Variants in CCND1 observed in about 807,000 individuals in gnomAD.
CCND1 encodes the protein G1/S-specific cyclin-D1.
A neutral mutation model predicts 26.1 loss-of-function variants in CCND1; 9 were observed. The ratio of observed to expected loss-of-function variants is 0.35; its 90% CI spans 0.21 to 0.60. The LOEUF (loss-of-function observed/expected upper bound fraction) is 0.60. CCND1 is among the 20% of genes least tolerant of loss of function. The pLI is 0.79. For missense variants in CCND1, 335 were observed against 392.9 expected (o/e 0.85, Z 1.25); for synonymous variants, 194 against 166.1 (o/e 1.17, Z -1.29).
chr11:69,653,690 T>G lies in CCND1; in HGVS notation c.*2408T>G. 9.0e-6 allele frequency: 3 copies of G among 331,662 alleles called. No individual in the cohort carries two copies. The highest frequency in any genetic ancestry group is 1.7e-5 in the Non-Finnish European group (3 of 181,024). 20.5% of individuals were successfully genotyped at this position (331,662 alleles called of 1,614,324 possible). A position where few individuals can be genotyped will look rare whatever the true frequency, so the allele number is the denominator to read the frequency against. The stretch of plus-strand genomic sequence containing the variant: ...TCCCTGCGCCTGTGATGCTGGGCAC[T>G]TCATCTGATCGGGGGCGTAGCATCA... On this transcript the variant is annotated 3_prime_UTR_variant, in exon 5 of 5. Coordinates refer to ENST00000227507, the MANE Select transcript of CCND1 (RefSeq NM_053056.3).
intron 4 of CCND1, 87 bp downstream of exon 4, chr11:69,648,229 A>G (rs922236447): frequency 1.1e-5 from 17 of 1,506,018 alleles, no homozygotes; most frequent in Admixed American, 1.7e-5. Flanking sequence ...GCTGGTGCCA[A>G]GGCCCCCAAG....
rs1028223563 is a variant in CCND1 at position 69,653,095 on chromosome 11, T to G, written c.*1813T>G. 21 of 535,482 alleles carry G rather than the reference T, an allele frequency of 3.9e-5. No individual in the cohort carries two copies. Among genetic ancestry groups the G allele is most frequent in the African/African-American group, 3.9e-4 (20 of 51,368 alleles). The allele number at this position is 535,482 out of a possible 1,614,324, so 33.2% of individuals were successfully genotyped here. A position where few individuals can be genotyped will look rare whatever the true frequency, so the allele number is the denominator to read the frequency against. ...TTGGCTATGTAATTCTTGTAATTTT[T>G]ATTTAGGAAGTGTTGAAGGGAGGTG... On this transcript the variant is annotated 3_prime_UTR_variant, in exon 5 of 5. Transcript: ENST00000227507.
rs1044247585 is a variant in CCND1 at position 69,643,135 on chromosome 11, G to T, written c.303G>T (p.Leu101=). Residue 101 remains leucine, a synonymous_variant, in exon 2 of 5, where the codon CTG becomes CTT. Coordinates refer to ENST00000227507, the MANE Select transcript of CCND1 (RefSeq NM_053056.3). ...LEPVKKSRLQ[L]LGATCMFVAS... ...CCGTGAAAAAGAGCCGCCTGCAGCT[G>T]CTGGGGGCCACTTGCATGTTCGTGG... 1.2e-6 allele frequency: 2 copies of T among 1,610,386 alleles called. No homozygotes were observed. Among genetic ancestry groups the T allele is most frequent in the Non-Finnish European group, 1.7e-6 (2 of 1,178,672 alleles).
chr11:69,648,201 T>G (rs1245879083), intron 4 of CCND1, 59 bp downstream of exon 4: 3 of 1,597,542 alleles, frequency 1.9e-6, no homozygotes, highest in Non-Finnish European at 2.6e-6. Context: ...AGACACCTAG[T>G]GCCACGGAAA....
chr11:69,643,811 C>T (rs367960158), intron 2 of CCND1, 21 bp from the exon 3 acceptor site: 1 of 1,591,154 alleles, frequency 6.3e-7, no homozygotes. Context: ...CCCCTGATGG[C>T]CGCTCACCCT....
In CCND1 at chr11:69,648,033, C is replaced by T. The variant is rs1271260640; in HGVS notation, c.614C>T (p.Ala205Val). The T allele has an allele frequency of 1.9e-6, 3 of 1,613,956 alleles. No individual in the cohort carries two copies. Among genetic ancestry groups the T allele is most frequent in the South Asian group, 1.1e-5 (1 of 91,082 alleles). Residue 205 changes from alanine (A) to valine (V), a missense_variant, in exon 4 of 5, where the codon GCG becomes GTG. Physicochemically the swap from Ala to Val is moderately conservative, Grantham distance 64 (BLOSUM62 0). Coordinates refer to ENST00000227507, the MANE Select transcript of CCND1 (RefSeq NM_053056.3). ...FISNPPSMVA[A>V]GSVVAAVQGL... ...TCCAATCCGCCCTCCATGGTGGCAG[C>T]GGGGAGCGTGGTGGCCGCAGTGCAA... is the stretch of plus-strand genomic sequence containing the variant.
In CCND1 at chr11:69,651,656, G is replaced by T; in HGVS notation, c.*374G>T. ...AAGAATAGGCATTAACACAAAGGAG[G>T]CGTCTCGGGAGAGGATTAGGTTCCA... On this transcript the variant is annotated 3_prime_UTR_variant, in exon 5 of 5. Transcript: ENST00000227507. The T allele has an allele frequency of 4.0e-6, 1 of 248,596 alleles. No individual in the cohort carries two copies. The highest frequency in any genetic ancestry group is 7.7e-6 in the Non-Finnish European group (1 of 129,090). The allele number at this position is 248,596 out of a possible 1,614,324, so 15.4% of individuals were successfully genotyped here.
rs375774600 is a variant in CCND1 at position 69,648,206 on chromosome 11, C to T, written c.723+64C>T. ...TTACAGGGGGAGACACCTAGTGCCA[C>T]GGAAATGCCGAGGCTGGTGCCAAGG... On this transcript the variant is annotated intron_variant, in intron 4 of 4. Transcript: ENST00000227507. The T allele has an allele frequency of 4.5e-5, 71 of 1,587,440 alleles. No homozygotes were observed. The South Asian group carries it at 5.8e-4, about 13-fold the overall frequency.
intron 2 of CCND1, 194 bp downstream of exon 2, chr11:69,643,440 G>A (rs1382664772): frequency 2.0e-6 from 1 of 495,648 alleles, no homozygotes; most frequent in African/African-American, 2.0e-5. Context: ...GCCGCCCTGT[G>A]TGCGCTTGCC....
intron 3 of CCND1, among the ~76,000 whole-genome samples, chr11:69,645,468 C>T (rs1216369258): frequency 1.3e-5 from 2 of 152,126 alleles, no homozygotes; most frequent in Non-Finnish European, 2.9e-5. Context: ...AAGGCGCCCC[C>T]AGCGGTGGGT....
At chr11:69,641,635 C>T in intron 1 of CCND1, 124 bp downstream of exon 1, 1 of 928,720 alleles carries the variant, frequency 1.1e-6, no homozygotes, top group Non-Finnish European at 1.7e-6. Flanking sequence ...CGTGGTGTTT[C>T]TAGGGATCCG....
At chr11:69,643,283 A>G (rs2120090750) in intron 2 of CCND1, 37 bp downstream of exon 2, 1 of 1,491,910 alleles carries the variant, frequency 6.7e-7, no homozygotes, top group Non-Finnish European at 9.1e-7. Flanking sequence ...GCCCCCCGCG[A>G]GCCGCACGCA....
Position 69,653,667 on chromosome 11 carries a change from C to T in CCND1, c.*2385C>T. On this transcript the variant is annotated 3_prime_UTR_variant, in exon 5 of 5. Coordinates refer to ENST00000227507, the MANE Select transcript of CCND1 (RefSeq NM_053056.3). ...ACCAGGCTGTGTCCCTCTTCTCTTCCCTGCGCCTGTGATGCTGGGCACTTC... is the reference window on the plus strand; with the variant it reads ...ACCAGGCTGTGTCCCTCTTCTCTTCTCTGCGCCTGTGATGCTGGGCACTTC... 1 of 358,070 alleles carries T rather than the reference C, an allele frequency of 2.8e-6. No individual in the cohort carries two copies. Among genetic ancestry groups the T allele is most frequent in the South Asian group, 5.4e-5 (1 of 18,494 alleles). The allele number at this position is 358,070 out of a possible 1,614,324, so 22.2% of individuals were successfully genotyped here. A position where few individuals can be genotyped will look rare whatever the true frequency, so the allele number is the denominator to read the frequency against.
In CCND1 at chr11:69,643,943, C is replaced by T. The variant is rs777185874; in HGVS notation, c.526C>T (p.Gln176Ter). The T allele has an allele frequency of 6.2e-7, 1 of 1,613,530 alleles. No individual in the cohort carries two copies. The highest frequency in any genetic ancestry group is 8.5e-7 in the Non-Finnish European group (1 of 1,180,020). ...AATGCCAGAGGCGGAGGAGAACAAA[C>T]AGATCATCCGCAAACACGCGCAGAC... ...SKMPEAEENK[Q>*]IIRKHAQTFV... The change falls in exon 3 of 5, where the codon CAG (glutamine) becomes TAG (stop). Residue 176 changes from glutamine (Q) to a stop codon, truncating the protein, a stop_gained. Coordinates refer to ENST00000227507, the MANE Select transcript of CCND1 (RefSeq NM_053056.3). LOFTEE classifies it high-confidence loss of function.
At position 69,654,116 on chromosome 11, in the gene CCND1, G is replaced by GGCCC; in HGVS notation, c.*2834_*2835insGCCC. The GGCCC allele has an allele frequency of 6.1e-6, 4 of 651,642 alleles. No homozygotes were observed. The highest frequency in any genetic ancestry group is 2.8e-5 in the East Asian group (1 of 35,866). 40.4% of individuals were successfully genotyped at this position (651,642 alleles called of 1,614,324 possible). On this transcript the variant is annotated 3_prime_UTR_variant, in exon 5 of 5. Transcript: ENST00000227507. This position sits in a 1 kb window ranked among gnomAD's most constrained non-coding sequence, Gnocchi z 6.3. ...TGCTCGGAGGCCATCTCGGGCACAG[G>GGCCC]CCCACCCCGCCCCACCCCTCCAGAA...
In CCND1 at chr11:69,648,139, C is replaced by T. The variant is rs1855808908; in HGVS notation, c.720C>T (p.Asp240=). Reference sequence around the variant, plus strand: ...TCCTCTCCAGAGTGATCAAGTGTGACCCGGTAAGTGAGGGTGATGTCCCAG... The same window carrying T: ...TCCTCTCCAGAGTGATCAAGTGTGATCCGGTAAGTGAGGGTGATGTCCCAG... ...TRFLSRVIKC[D]PDCLRACQEQ... Residue 240 remains aspartate, a synonymous_variant, in exon 4 of 5, where the codon GAC becomes GAT. Coordinates refer to ENST00000227507, the MANE Select transcript of CCND1 (RefSeq NM_053056.3). 5 of 1,613,786 alleles carry T rather than the reference C, an allele frequency of 3.1e-6. No homozygotes were observed. Among genetic ancestry groups the T allele is most frequent in the Non-Finnish European group, 3.4e-6 (4 of 1,179,976 alleles).
chr11:69,646,330 C>G (rs994403200), intron 3 of CCND1, among the ~76,000 whole-genome samples: 4 of 152,286 alleles, frequency 2.6e-5, no homozygotes, highest in Middle Eastern at 3.4e-3. Context: ...GTTGTTACGG[C>G]GCCCAGCAGC....
At position 69,653,194 on chromosome 11, in the gene CCND1, G is replaced by A. The variant is rs901464281; in HGVS notation, c.*1912G>A. The A allele has an allele frequency of 3.0e-6, 2 of 673,628 alleles. No homozygotes were observed. Among genetic ancestry groups the A allele is most frequent in the African/African-American group, 1.8e-5 (1 of 55,874 alleles). The allele number at this position is 673,628 out of a possible 1,614,324, so 41.7% of individuals were successfully genotyped here. A position where few individuals can be genotyped will look rare whatever the true frequency, so the allele number is the denominator to read the frequency against. On this transcript the variant is annotated 3_prime_UTR_variant, in exon 5 of 5. Coordinates refer to ENST00000227507, the MANE Select transcript of CCND1 (RefSeq NM_053056.3). ...GTGAGGAGGAGGCTCCCGAGGGGAA[G>A]GGGCGGTGCCCACACCGGGGACAGG...
At chr11:69,643,750 C>T (rs2120092414) in intron 2 of CCND1, 82 bp from the exon 3 acceptor site, 1 of 1,397,072 alleles carries the variant, frequency 7.2e-7, no homozygotes, top group African/African-American at 1.4e-5. Context: ...TGCGGCGTGG[C>T]CCGGCCCCCG....
Sources: allele counts gnomAD v4.1 joint callset (sites outside exome capture counted in the v4.1 genomes callset), GRCh38; gene constraint gnomAD v4.1.1; non-coding constraint Gnocchi (gnomAD v3.1); transcripts MANE v1.5; gene names NCBI Gene and HGNC (gene_info 2026-07-23, HGNC 2026-07-21).